The following OTOGL variants were observed in gnomAD, a reference collection of about 807,000 sequenced individuals.
OTOGL encodes otogelin like.
OTOGL carries 285 observed loss-of-function variants against 318.5 expected under a neutral mutation model. The observed-to-expected ratio is 0.89, with a 90% CI of 0.81 to 0.99. The LOEUF (loss-of-function observed/expected upper bound fraction) is 0.99, where lower values mean the gene tolerates loss of function less well. Ranked by LOEUF, OTOGL falls within the 50% of genes least tolerant of loss-of-function variation. The pLI, the probability that OTOGL is intolerant of heterozygous loss-of-function variation, is 0.00. For missense variants in OTOGL, 2,899 were observed against 2,845.6 expected (o/e 1.02, Z -0.43); for synonymous variants, 987 against 936.5 (o/e 1.05, Z -0.99).
intron 1 of OTOGL, among the ~76,000 whole-genome samples, chr12:80,135,188 A>G (rs1871472954): frequency 6.8e-6 from 1 of 147,924 alleles, no homozygotes; most frequent in African/African-American, 2.5e-5. Context: ...AGGTTATACT[A>G]CTTATTACCC....
chr12:80,161,347 T>C (rs1169911377), intron 1 of OTOGL, among the ~76,000 whole-genome samples: 7 of 152,082 alleles, frequency 4.6e-5, no homozygotes, highest in Non-Finnish European at 1.0e-4. Flanking sequence ...AAGTAGGATA[T>C]AAATTATAAA....
chr12:80,336,136 T>C lies in OTOGL; in HGVS notation c.4596T>C (p.Cys1532=), dbSNP rs763776886. ...ATATCTGCTGCCCTGAGTGGGAATG[T>C]CCTTGTAAGTTTGCATTTCTTAAGC... is the stretch of plus-strand genomic sequence containing the variant. ...NSDICCPEWE[C]PCRCSMLSEL... is the part of the protein sequence containing the mutation. The change falls in exon 39 of 59, where the codon TGT becomes TGC. Residue 1532 remains cysteine, a synonymous_variant. Transcript: ENST00000547103. 1 of 1,577,230 alleles carries C rather than the reference T, an allele frequency of 6.3e-7. No homozygotes were observed. Among genetic ancestry groups the C allele is most frequent in the Non-Finnish European group, 8.5e-7 (1 of 1,173,038 alleles).
At chr12:80,304,971 C>T (rs1886011974) in intron 28 of OTOGL, among the ~76,000 whole-genome samples, 1 of 152,148 alleles carries the variant, frequency 6.6e-6, no homozygotes, top group South Asian at 2.1e-4. Flanking sequence ...TACCATGGGA[C>T]CTCTGTTTTC....
intron 1 of OTOGL, among the ~76,000 whole-genome samples, chr12:80,112,990 G>C (rs1473738839): frequency 6.6e-6 from 1 of 152,120 alleles, no homozygotes; most frequent in African/African-American, 2.4e-5. Context: ...TTGGGAAGGT[G>C]TATGTGTCAG....
chr12:80,142,001 G>A (rs1346952215), intron 1 of OTOGL, among the ~76,000 whole-genome samples: 3 of 152,002 alleles, frequency 2.0e-5, no homozygotes, highest in Admixed American at 6.6e-5. Flanking sequence ...TCCTGGGCTT[G>A]GCCAAGATAG....
chr12:80,202,270 A>AT (rs55860009), intron 1 of OTOGL, among the ~76,000 whole-genome samples: 4 of 121,922 alleles, frequency 3.3e-5, no homozygotes, highest in Non-Finnish European at 5.3e-5. Flanking sequence ...CTTTTCTTTA[A>AT]TTTTTTTTTT....
intron 1 of OTOGL, among the ~76,000 whole-genome samples, chr12:80,202,664 T>C (rs1457247276): frequency 6.6e-6 from 1 of 152,168 alleles, no homozygotes; most frequent in East Asian, 1.9e-4. Flanking sequence ...TTTCTATGTC[T>C]AAATGGATGA....
At chr12:80,106,195 A>C (rs1285079707) in intron 1 of OTOGL, among the ~76,000 whole-genome samples, 1 of 152,210 alleles carries the variant, frequency 6.6e-6, no homozygotes, top group Admixed American at 6.5e-5. Flanking sequence ...TTATGCATGA[A>C]ATGATGAAGG....
intron 14 of OTOGL, 44 bp downstream of exon 14, chr12:80,253,618 A>G: frequency 5.5e-6 from 8 of 1,450,798 alleles, no homozygotes; most frequent in Non-Finnish European, 5.8e-6. Flanking sequence ...GTACTTGGCT[A>G]GTTGACAACT....
intron 44 of OTOGL, among the ~76,000 whole-genome samples, chr12:80,351,556 CA>C (rs751157248): frequency 5.3e-5 from 8 of 152,042 alleles, no homozygotes; most frequent in Non-Finnish European, 7.4e-5. Context: ...CCTCGTGATC[CA>C]CCTGCCTCAG....
At chr12:80,229,209 G>C in intron 7 of OTOGL, 48 bp from the exon 8 acceptor site, 1 of 1,563,842 alleles carries the variant, frequency 6.4e-7, no homozygotes, top group Non-Finnish European at 8.7e-7. Flanking sequence ...TAATAACTCA[G>C]ATTTATTGTT....
At chr12:80,270,021 G>C (rs1383972461) in intron 22 of OTOGL, 81 bp from the exon 23 acceptor site, 1 of 1,120,882 alleles carries the variant, frequency 8.9e-7, no homozygotes, top group Non-Finnish European at 1.3e-6. Context: ...ATTCTTGTAC[G>C]TTAGATTGTT....
At chr12:80,104,445 C>T (rs1869332370) in intron 1 of OTOGL, among the ~76,000 whole-genome samples, 1 of 152,190 alleles carries the variant, frequency 6.6e-6, no homozygotes, top group African/African-American at 2.4e-5. Flanking sequence ...GAGGCGTGTT[C>T]TTTCCTGTGT....
intron 1 of OTOGL, chr12:80,132,117 A>G (rs1399868758): frequency 6.6e-6 from 1 of 152,226 alleles, no homozygotes. Flanking sequence ...CATACTTTCC[A>G]GGTGAGTCTG....
chr12:80,329,192 G>T, intron 37 of OTOGL, 73 bp downstream of exon 37: 1 of 1,177,468 alleles, frequency 8.5e-7, no homozygotes, highest in Non-Finnish European at 1.1e-6. Context: ...TGTAATTTAG[G>T]TGTTACTATA....
intron 7 of OTOGL, among the ~76,000 whole-genome samples, chr12:80,224,954 C>T (rs1371155228): frequency 6.6e-6 from 1 of 151,922 alleles, no homozygotes; most frequent in Admixed American, 6.6e-5. Context: ...ATGTCTTTCT[C>T]CATGATGTGA....
rs1891365656 is a variant in OTOGL, at chr12:80,379,774, A to C, written c.*1726A>C. On this transcript the variant is annotated 3_prime_UTR_variant, in exon 59 of 59. Transcript: ENST00000547103. ...ACCTATTTGTGGAGAAATGGGAAACATTCTCCTAGAACTTTATAAACATTC... is the reference window on the plus strand; with the variant it reads ...ACCTATTTGTGGAGAAATGGGAAACCTTCTCCTAGAACTTTATAAACATTC... 1 of 152,038 alleles carries C rather than the reference A, an allele frequency of 6.6e-6. No homozygotes were observed. 9.4% of individuals were successfully genotyped at this position (152,038 alleles called of 1,614,324 possible).
intron 1 of OTOGL, among the ~76,000 whole-genome samples, chr12:80,106,286 C>T (rs1869450236): frequency 6.6e-6 from 1 of 152,190 alleles, no homozygotes; most frequent in African/African-American, 2.4e-5. Context: ...GTGGCTTTCA[C>T]ACTACCAGAA....
chr12:80,218,791 C>CTTTTTTT (rs1877989781), intron 5 of OTOGL, among the ~76,000 whole-genome samples: 1 of 133,544 alleles, frequency 7.5e-6, no homozygotes, highest in Non-Finnish European at 1.6e-5. Flanking sequence ...TTTTCTTTTT[C>CTTTTTTT]TTTCTTTTTT....
Sources: gnomAD v4.1 joint callset for allele counts (sites outside exome capture counted in the v4.1 genomes callset) on GRCh38, gnomAD v4.1.1 for gene constraint, MANE v1.5 for transcripts, NCBI Gene and HGNC (gene_info 2026-07-23, HGNC 2026-07-21) for gene names.